Variants in A4GALT observed in about 807,000 individuals in gnomAD.
A4GALT encodes alpha 1,4-galactosyltransferase (P1PK blood group).
For missense variants in A4GALT, 512 were observed against 486.0 expected, an observed-to-expected ratio of 1.05 and a Z score of -0.50; for synonymous variants, 257 against 220.7, an observed-to-expected ratio of 1.16 and a Z score of -1.46.
intron 1 of A4GALT, among the ~76,000 whole-genome samples, chr22:42,702,976 C>T (rs1269387576): frequency 1.7e-5 from 2 of 115,026 alleles, no homozygotes; most frequent in Admixed American, 1.5e-4. Flanking sequence ...GCACTCAGGC[C>T]GGGGTACATC....
intron 1 of A4GALT, among the ~76,000 whole-genome samples, chr22:42,703,489 C>T (rs1463259801): frequency 1.3e-5 from 2 of 151,884 alleles, no homozygotes; most frequent in Non-Finnish European, 2.9e-5. Context: ...CTCCTGACCT[C>T]GTGATCTACT....
At chr22:42,718,738 C>G (rs959900328) in intron 1 of A4GALT, among the ~76,000 whole-genome samples, 3 of 152,180 alleles carry the variant, frequency 2.0e-5, no homozygotes, top group African/African-American at 4.8e-5. Context: ...GGGATCTGGA[C>G]AAGGGTCCTT....
chr22:42,693,628 G>A lies in A4GALT; in HGVS notation c.324C>T (p.Ser108=). The part of the protein sequence containing the change: ...VESAARTHPE[S]HVLVLMKGLP... ...GCCCTTTCATCAGGACCAGCACGTGGGATTCGGGGTGAGTTCTGGCGGCCG... is the reference window on the plus strand; with the variant it reads ...GCCCTTTCATCAGGACCAGCACGTGAGATTCGGGGTGAGTTCTGGCGGCCG... The change falls in exon 3 of 3, where the codon TCC becomes TCT. Residue 108 remains serine (S), a synonymous_variant. Coordinates refer to ENST00000642412, the MANE Select transcript of A4GALT (RefSeq NM_017436.7). The A allele has an allele frequency of 1.2e-6, 2 of 1,613,646 alleles. No homozygotes were observed. The highest frequency in any genetic ancestry group is 1.7e-6 in the Non-Finnish European group (2 of 1,179,984).
chr22:42,703,283 T>G (rs1602003921), intron 1 of A4GALT, among the ~76,000 whole-genome samples: 1 of 136,596 alleles, frequency 7.3e-6, no homozygotes, highest in African/African-American at 2.8e-5. Flanking sequence ...TGAGACAGAG[T>G]CTCACTCTAT....
At chr22:42,709,182 C>T (rs112899616) in intron 1 of A4GALT, among the ~76,000 whole-genome samples, 1 of 150,788 alleles carries the variant, frequency 6.6e-6, no homozygotes, top group Non-Finnish European at 1.5e-5. Context: ...ACCTCAGCCT[C>T]CTGAGTAGCT....
Position 42,720,838 on chromosome 22 carries a change from G to C in A4GALT, c.-229C>G, listed in dbSNP as rs1922671133. 7.2e-6 allele frequency: 1 copy of C among 138,510 alleles called. No homozygotes were observed. 8.6% of individuals were successfully genotyped at this position (138,510 alleles called of 1,614,324 possible). A position where few individuals can be genotyped will look rare whatever the true frequency, so the allele number is the denominator to read the frequency against. ...GGCGGGCGGCGGACAGCGGGGCCCC[G>C]GCGGGCGGGCGGCGCGGCGGCCGGA... On this transcript the variant is annotated 5_prime_UTR_variant, in exon 1 of 3. Coordinates refer to ENST00000642412, the MANE Select transcript of A4GALT (RefSeq NM_017436.7).
At chr22:42,713,218 C>A (rs75176245) in intron 1 of A4GALT, among the ~76,000 whole-genome samples, 9 of 152,184 alleles carry the variant, frequency 5.9e-5, no homozygotes, top group Non-Finnish European at 1.5e-5. Context: ...CCTCTTAGAG[C>A]GGCTCCATGC....
chr22:42,698,687 A>G (rs1931100222), intron 1 of A4GALT, among the ~76,000 whole-genome samples: 1 of 152,180 alleles, frequency 6.6e-6, no homozygotes, highest in Non-Finnish European at 1.5e-5. Flanking sequence ...GACCAACACC[A>G]TCTTAAATAG....
chr22:42,711,624 C>T (rs1040361136), intron 1 of A4GALT, among the ~76,000 whole-genome samples: 34 of 152,102 alleles, frequency 2.2e-4, no homozygotes, highest in Admixed American at 1.3e-4. Context: ...TACATATTTT[C>T]TGTATTTTGT....
At position 42,704,532 on chromosome 22, in the gene A4GALT, G is replaced by T. The variant is rs535417660; in HGVS notation, c.-187-8901C>A. ...AAAAAAAATTAAAAAAAAAAGAAGGGCTGAAGGGCTGTTTGTAAGAAGGGC... is the reference window on the plus strand; with the variant it reads ...AAAAAAAATTAAAAAAAAAAGAAGGTCTGAAGGGCTGTTTGTAAGAAGGGC... On this transcript the variant is annotated intron_variant, in intron 1 of 2. Coordinates refer to ENST00000642412, the MANE Select transcript of A4GALT (RefSeq NM_017436.7). Among the ~76,000 whole-genome samples, 7 of 151,504 alleles carry T rather than the reference G, an allele frequency of 4.6e-5. No individual in the cohort carries two copies. The South Asian group carries it at 1.5e-3, about 32-fold the overall frequency.
intron 1 of A4GALT, among the ~76,000 whole-genome samples, chr22:42,713,636 A>T (rs752903424): frequency 2.8e-4 from 42 of 150,708 alleles, no homozygotes; most frequent in Non-Finnish European, 5.3e-4. Flanking sequence ...ATCTGGCAAA[A>T]CCCCACCTCA....
At chr22:42,695,441 C>G (rs1016037927) in intron 2 of A4GALT, 50 bp downstream of exon 2, 1 of 152,166 alleles carries the variant, frequency 6.6e-6, no homozygotes, top group African/African-American at 2.4e-5. Context: ...TGGGCCCTTC[C>G]CAGGGTAGAG....
rs768659084 is a variant in A4GALT at position 42,693,226 on chromosome 22, G to A, written c.726C>T (p.Asn242=). Reference sequence around the variant, plus strand: ...GGCCCTGGTGACCCCAGATCCAGCCGTTGTAGTGGTCCACGAAGTCCCGCA... The same window carrying A: ...GGCCCTGGTGACCCCAGATCCAGCCATTGTAGTGGTCCACGAAGTCCCGCA... ...LCMRDFVDHY[N]GWIWGHQGPQ... The change falls in exon 3 of 3, where the codon AAC becomes AAT. Residue 242 remains asparagine (N), a synonymous_variant. Coordinates refer to ENST00000642412, the MANE Select transcript of A4GALT (RefSeq NM_017436.7). 8 of 1,608,776 alleles carry A rather than the reference G, an allele frequency of 5.0e-6. No homozygotes were observed. The highest frequency in any genetic ancestry group is 4.4e-5 in the South Asian group (4 of 90,542).
intron 1 of A4GALT, 70 bp from the exon 2 acceptor site, chr22:42,695,701 C>G (rs978024065): frequency 2.0e-5 from 3 of 152,236 alleles, no homozygotes; most frequent in African/African-American, 7.2e-5. Context: ...CCTGGCCACA[C>G]AGGCAGGTCA....
chr22:42,692,977 C>T lies in A4GALT; in HGVS notation c.975G>A (p.Arg325=), dbSNP rs1453855919. The stretch of plus-strand genomic sequence containing the variant: ...GCAGTGCCCTGGACGTGGCCTCGAA[C>T]CGCGTGCCCTGGCTCTTCTTGTTCC... The part of the protein sequence containing the change: ...HVWNKKSQGT[R]FEATSRALLA... The change falls in exon 3 of 3, where the codon CGG becomes CGA. Residue 325 remains arginine (R), a synonymous_variant. Transcript: ENST00000642412. This position sits in a 1 kb window ranked among gnomAD's most constrained non-coding sequence, Gnocchi z 4.6. 1.2e-6 allele frequency: 2 copies of T among 1,613,232 alleles called. No individual in the cohort carries two copies. Among genetic ancestry groups the T allele is most frequent in the Non-Finnish European group, 1.7e-6 (2 of 1,179,952 alleles).
intron 2 of A4GALT, 40 bp from the exon 3 acceptor site, chr22:42,694,037 C>T (rs190470684): frequency 1.6e-6 from 2 of 1,223,502 alleles, no homozygotes; most frequent in East Asian, 2.5e-5. Flanking sequence ...AGGCCGTTGG[C>T]ATTCCCGATC....
chr22:42,704,788 A>G (rs1920965237), intron 1 of A4GALT, among the ~76,000 whole-genome samples: 1 of 151,056 alleles, frequency 6.6e-6, no homozygotes, highest in South Asian at 2.1e-4. Flanking sequence ...AATGAGAGAA[A>G]CTAAGAGGCA....
chr22:42,718,573 G>A (rs1042768403), intron 1 of A4GALT: 3 of 152,118 alleles, frequency 2.0e-5, no homozygotes, highest in African/African-American at 7.2e-5. Context: ...CTGGAAAAAC[G>A]TGTTTTTAAA....
At chr22:42,709,354 A>AAG (rs1921477118) in intron 1 of A4GALT, among the ~76,000 whole-genome samples, 1 of 151,822 alleles carries the variant, frequency 6.6e-6, no homozygotes, top group Non-Finnish European at 1.5e-5. Context: ...CAAAAAAAAA[A>AAG]AAAAAAATTT....
Sources: allele counts gnomAD v4.1 joint callset (sites outside exome capture counted in the v4.1 genomes callset), GRCh38; gene constraint gnomAD v4.1.1; non-coding constraint Gnocchi (gnomAD v3.1); transcripts MANE v1.5; gene names NCBI Gene and HGNC (gene_info 2026-07-23, HGNC 2026-07-21).